The following TLN2 variants were observed in gnomAD, a reference collection of about 807,000 sequenced individuals.
TLN2 encodes talin 2.
A neutral mutation model predicts 294.7 loss-of-function variants in TLN2; 118 were observed. That is an observed-to-expected ratio of 0.40 (90% CI 0.34 to 0.47). The LOEUF is 0.47. Among genes scored for constraint, TLN2 ranks in the 20% least tolerant of loss-of-function variants. The pLI is 0.84. For missense variants in TLN2, 3,083 were observed against 3,282.2 expected, an observed-to-expected ratio of 0.94 and a Z score of 1.48; for synonymous variants, 1,431 against 1,304.5, an observed-to-expected ratio of 1.10 and a Z score of -2.09.
intron 2 of TLN2, among the ~76,000 whole-genome samples, chr15:62,605,207 GT>G (rs1441946940): frequency 6.6e-6 from 1 of 152,070 alleles, no homozygotes; most frequent in East Asian, 1.9e-4. Context: ...TACAGTGTAG[GT>G]TTAAGTTTAT....
intron 3 of TLN2, among the ~76,000 whole-genome samples, chr15:62,625,602 C>T (rs2049213107): frequency 1.3e-5 from 2 of 152,134 alleles, no homozygotes; most frequent in Admixed American, 6.5e-5. Context: ...AGTTAGGCTA[C>T]TGCACGCAGG....
At chr15:62,821,095 T>G (rs1353107708) in intron 54 of TLN2, among the ~76,000 whole-genome samples, 1 of 152,210 alleles carries the variant, frequency 6.6e-6, no homozygotes, top group Non-Finnish European at 1.5e-5. Flanking sequence ...CCTTCTGTGT[T>G]TGTCATGTAG....
chr15:62,637,475 G>T (rs1240870149), intron 3 of TLN2: 1 of 152,168 alleles, frequency 6.6e-6, no homozygotes, highest in Non-Finnish European at 1.5e-5. Flanking sequence ...AGCTGACACA[G>T]CCTTCTTACG....
intron 11 of TLN2, among the ~76,000 whole-genome samples, chr15:62,685,118 C>T (rs1275748033): frequency 6.6e-6 from 1 of 151,910 alleles, no homozygotes; most frequent in Non-Finnish European, 1.5e-5. Flanking sequence ...ATACAAAACA[C>T]ATGAGATGTT....
intron 52 of TLN2, 107 bp downstream of exon 52, chr15:62,810,139 C>T: frequency 2.3e-6 from 2 of 886,584 alleles, no homozygotes; most frequent in Non-Finnish European, 3.7e-6. Flanking sequence ...GAGCCCTGTC[C>T]ATTGCCACTG....
intron 1 of TLN2, among the ~76,000 whole-genome samples, chr15:62,557,821 G>A (rs909698793): frequency 6.6e-6 from 1 of 152,192 alleles, no homozygotes; most frequent in Non-Finnish European, 1.5e-5. Context: ...GATTACAGGC[G>A]TGAGCCACTG....
At chr15:62,838,802 C>T in intron 57 of TLN2, 54 bp from the exon 58 acceptor site, 1 of 1,596,966 alleles carries the variant, frequency 6.3e-7, no homozygotes, top group South Asian at 1.1e-5. Flanking sequence ...CTATTCTTGC[C>T]AGGCCCAAAT....
intron 15 of TLN2, among the ~76,000 whole-genome samples, chr15:62,698,383 A>G (rs1242716164): frequency 1.3e-5 from 2 of 152,228 alleles, no homozygotes; most frequent in Non-Finnish European, 2.9e-5. Context: ...TTAAGTGTCT[A>G]TCAGGAAGCA....
At chr15:62,474,270 C>G (rs2037661801) in intron 1 of TLN2, among the ~76,000 whole-genome samples, 1 of 152,158 alleles carries the variant, frequency 6.6e-6, no homozygotes, top group African/African-American at 2.4e-5. Context: ...TCTATGTTCT[C>G]CTTTTTGAGT....
chr15:62,783,737 G>C, intron 44 of TLN2, 34 bp from the exon 45 acceptor site: 1 of 1,558,642 alleles, frequency 6.4e-7, no homozygotes, highest in Non-Finnish European at 8.7e-7. Context: ...GTGTGTGTGT[G>C]TGTGTGTGTG....
intron 45 of TLN2, among the ~76,000 whole-genome samples, chr15:62,786,393 T>A (rs1340860783): frequency 3.3e-5 from 5 of 152,228 alleles, no homozygotes; most frequent in Non-Finnish European, 4.4e-5. Context: ...GCAGGAGCTT[T>A]ATCTGCTTAT....
At chr15:62,689,033 T>C (rs1355838991) in intron 12 of TLN2, among the ~76,000 whole-genome samples, 2 of 151,984 alleles carry the variant, frequency 1.3e-5, no homozygotes, top group Admixed American at 6.6e-5. Context: ...TATCATTTTG[T>C]AGTTTTTCTG....
intron 14 of TLN2, among the ~76,000 whole-genome samples, chr15:62,695,217 A>G (rs77957827): frequency 0.012 from 1,899 of 152,320 alleles, 52 homozygotes; most frequent in African/African-American, 0.043. Context: ...GAGCAATGTA[A>G]TGACTGTTCT....
chr15:62,656,035 T>A lies in TLN2; in HGVS notation c.609T>A (p.Asp203Glu), dbSNP rs1262417265. The change falls in exon 8 of 59, where the codon GAT (aspartate) becomes GAA (glutamate). Residue 203 changes from aspartate (D) to glutamate (E), a missense_variant. By Grantham distance (45) the Asp-to-Glu change is conservative. Coordinates refer to ENST00000636159, the MANE Select transcript of TLN2 (RefSeq NM_015059.3). ...TTAGACGGAAGTTCTTTTACTCTGA[T>A]CAGAATGTAGATTCGAGAGACCCCG... is the stretch of plus-strand genomic sequence containing the variant. ...LLLRRKFFYS[D>E]QNVDSRDPVQ... The A allele has an allele frequency of 6.2e-7, 1 of 1,614,208 alleles. No individual in the cohort carries two copies. Among genetic ancestry groups the A allele is most frequent in the South Asian group, 1.1e-5 (1 of 91,084 alleles).
intron 3 of TLN2, among the ~76,000 whole-genome samples, chr15:62,636,625 T>C (rs2050411507): frequency 6.6e-6 from 1 of 152,208 alleles, no homozygotes; most frequent in Non-Finnish European, 1.5e-5. Flanking sequence ...TGCTTTTGCC[T>C]TTTTGAGTGA....
chr15:62,599,234 G>A (rs1479035219), intron 2 of TLN2, among the ~76,000 whole-genome samples: 2 of 152,176 alleles, frequency 1.3e-5, no homozygotes, highest in African/African-American at 4.8e-5. Context: ...GCTTTAGTGA[G>A]GTCAAGTCTA....
At chr15:62,552,938 T>G (rs2042403526) in intron 1 of TLN2, among the ~76,000 whole-genome samples, 1 of 152,240 alleles carries the variant, frequency 6.6e-6, no homozygotes, top group Non-Finnish European at 1.5e-5. Flanking sequence ...GAGAATTGAC[T>G]ATGTGTTTAT....
chr15:62,583,954 T>G (rs543912011), intron 1 of TLN2, among the ~76,000 whole-genome samples: 1 of 152,352 alleles, frequency 6.6e-6, no homozygotes. Flanking sequence ...CAGTGCAATG[T>G]GATCTCTTTT....
intron 11 of TLN2, among the ~76,000 whole-genome samples, chr15:62,678,831 A>AAAAT (rs1264908926): frequency 5.9e-5 from 9 of 152,258 alleles, no homozygotes; most frequent in African/African-American, 1.9e-4. Flanking sequence ...ACTCTGCCTC[A>AAAAT]AAATAAATAA....
Sources: gnomAD v4.1 joint callset for allele counts (sites outside exome capture counted in the v4.1 genomes callset) on GRCh38, gnomAD v4.1.1 for gene constraint, MANE v1.5 for transcripts, NCBI Gene and HGNC (gene_info 2026-07-23, HGNC 2026-07-21) for gene names.